SLC66A1: variants seen among roughly 807,000 people sequenced by gnomAD.
SLC66A1 encodes the protein lysosomal amino acid transporter 1 homolog.
A neutral mutation model predicts 33.0 loss-of-function variants in SLC66A1; 23 were observed. The observed-to-expected ratio is 0.70, with a 90% CI of 0.50 to 0.99. SLC66A1 has a LOEUF of 0.99. SLC66A1 is among the 50% of genes least tolerant of loss of function. The probability of loss-of-function intolerance (pLI) is 0.00; values close to 1 mark genes in which losing one functional copy is unlikely to be tolerated. For synonymous variants in SLC66A1, 164 were observed against 175.5 expected (o/e 0.93, Z 0.52); for missense variants, 335 against 383.6 (o/e 0.87, Z 1.06).
At chr1:19,323,350 T>C (rs888204444) in intron 2 of SLC66A1, among the ~76,000 whole-genome samples, 1 of 152,156 alleles carries the variant, frequency 6.6e-6, no homozygotes, top group African/African-American at 2.4e-5. Flanking sequence ...TTTCTTAGTT[T>C]CTGGCTTGGA....
At chr1:19,330,197 G>A (rs961840396), downstream of SLC66A1, among the ~76,000 whole-genome samples, 5 of 152,096 alleles carry the variant, frequency 3.3e-5, no homozygotes, top group African/African-American at 7.2e-5. Flanking sequence ...GCACAGAGAC[G>A]CCAGCTCCCC....
intron 2 of SLC66A1, among the ~76,000 whole-genome samples, chr1:19,319,060 G>A (rs1490327495): frequency 6.6e-6 from 1 of 152,220 alleles, no homozygotes; most frequent in East Asian, 1.9e-4. Context: ...CTGCTCTTAA[G>A]AAATGTGCTC....
intron 3 of SLC66A1, 87 bp downstream of exon 3, chr1:19,324,849 C>A: frequency 6.6e-7 from 1 of 1,513,376 alleles, no homozygotes; most frequent in Non-Finnish European, 8.9e-7. Context: ...GCTCTTTGGC[C>A]CGCCTGGTCT....
rs2093868600 is a variant in SLC66A1, at chr1:19,326,574, T to C, written c.569T>C (p.Ile190Thr). The change falls in exon 6 of 8, where the codon ATC becomes ACC. Residue 190 changes from isoleucine to threonine, a missense_variant. Ile to Thr is a moderately conservative substitution (Grantham distance 89). Coordinates refer to ENST00000375153, the MANE Select transcript of SLC66A1 (RefSeq NM_001040125.2). ...GTCATTGGCTTCGTCATCGGCTCCA[T>C]CTCCAGCGTGTTGTACCTGCTTTCC... is the stretch of plus-strand genomic sequence containing the variant. The part of the protein sequence containing the change: ...QEVIGFVIGS[I>T]SSVLYLLSRL... 2.5e-6 allele frequency: 4 copies of C among 1,614,152 alleles called. No homozygotes were observed. The highest frequency in any genetic ancestry group is 3.4e-6 in the Non-Finnish European group (4 of 1,180,022).
chr1:19,332,195 C>A (rs2093894447), downstream of SLC66A1, among the ~76,000 whole-genome samples: 1 of 152,170 alleles, frequency 6.6e-6, no homozygotes, highest in Non-Finnish European at 1.5e-5. Context: ...ATGCTGGAGG[C>A]AGGTGACGGG....
chr1:19,319,147 G>T (rs148656270), intron 2 of SLC66A1, among the ~76,000 whole-genome samples: 1 of 152,346 alleles, frequency 6.6e-6, no homozygotes, highest in Non-Finnish European at 1.5e-5. Context: ...GAGAGAATTC[G>T]CATTTCATGC....
chr1:19,325,646 G>GA (rs1553263063), intron 4 of SLC66A1, 64 bp downstream of exon 4: 1 of 1,272,026 alleles, frequency 7.9e-7, no homozygotes, highest in African/African-American at 1.6e-5. Context: ...TGTGGGGGGG[G>GA]GCGCCTGGAG....
rs779358032 is a variant in SLC66A1, at chr1:19,325,478, C to T, written c.295-17C>T. ...CTGGGACTGCGCCAACCCCTGGGCC[C>T]CCTGCATCTCTTACAGACCTACACG... On this transcript the variant is annotated splice_polypyrimidine_tract_variant and intron_variant, in intron 3 of 7. Transcript: ENST00000375153. 3 of 1,570,404 alleles carry T rather than the reference C, an allele frequency of 1.9e-6. No individual in the cohort carries two copies. In the Admixed American group the frequency reaches 5.0e-5, roughly 26 times the overall value.
chr1:19,318,370 G>A lies in SLC66A1; in HGVS notation c.164+529G>A, dbSNP rs575030869. On this transcript the variant is annotated intron_variant, in intron 2 of 7. Transcript: ENST00000375153. Reference sequence around the variant, plus strand: ...GCCGCTGCCATGATCAGGGAGTGAGGACATGCTGCACAGGGGTCAAGAGCA... The same window carrying A: ...GCCGCTGCCATGATCAGGGAGTGAGAACATGCTGCACAGGGGTCAAGAGCA... Among the ~76,000 whole-genome samples the A allele has an allele frequency of 3.3e-5, 5 of 152,290 alleles. No individual in the cohort carries two copies. The South Asian group carries it at 6.2e-4, about 19-fold the overall frequency.
intron 2 of SLC66A1, among the ~76,000 whole-genome samples, chr1:19,318,325 A>G (rs960863956): frequency 6.6e-6 from 1 of 152,234 alleles, no homozygotes; most frequent in African/African-American, 2.4e-5. Context: ...AGACAGCAGC[A>G]GTGAACACAA....
downstream of SLC66A1, among the ~76,000 whole-genome samples, chr1:19,330,748 ACCCAGCAGCAG>A (rs890878512): frequency 2.6e-5 from 4 of 152,152 alleles, no homozygotes; most frequent in East Asian, 1.9e-4. Context: ...CCTGGGGCAC[ACCCAGCAGCAG>A]CCCAGCAGCA....
At chr1:19,322,544 CT>C (rs1471024722) in intron 2 of SLC66A1, among the ~76,000 whole-genome samples, 1 of 152,066 alleles carries the variant, frequency 6.6e-6, no homozygotes, top group Non-Finnish European at 1.5e-5. Flanking sequence ...GTCACTCCCC[CT>C]GTCCTCAGGA....
At chr1:19,317,871 G>A (rs1475890567) in intron 2 of SLC66A1, 30 bp downstream of exon 2, 1 of 1,602,554 alleles carries the variant, frequency 6.2e-7, no homozygotes, top group Non-Finnish European at 8.5e-7. Context: ...CAGGACCAGG[G>A]CAGGGCTGTG....
intron 1 of SLC66A1, among the ~76,000 whole-genome samples, chr1:19,315,862 G>GT (rs2093802374): frequency 6.6e-6 from 1 of 151,976 alleles, no homozygotes; most frequent in South Asian, 2.1e-4. Flanking sequence ...TGACTCTGTA[G>GT]TTTCCTGGCT....
chr1:19,328,544 A>T lies in SLC66A1; in HGVS notation c.805-28A>T, dbSNP rs1386161349. 6.2e-7 allele frequency: 1 copy of T among 1,606,280 alleles called. No homozygotes were observed. Among genetic ancestry groups the T allele is most frequent in the Non-Finnish European group, 8.5e-7 (1 of 1,176,098 alleles). ...GGCAGGTCCAACCCAGTCTCTGCTCAGCTTGGCCTTAACGGCGGCACCCCC... is the reference window on the plus strand; with the variant it reads ...GGCAGGTCCAACCCAGTCTCTGCTCTGCTTGGCCTTAACGGCGGCACCCCC... On this transcript the variant is annotated intron_variant, in intron 7 of 7. Coordinates refer to ENST00000375153, the MANE Select transcript of SLC66A1 (RefSeq NM_001040125.2). The surrounding 1 kb of genome is among the most constrained non-coding windows in gnomAD (Gnocchi z 4.7).
chr1:19,314,891 A>G (rs1225467499), intron 1 of SLC66A1, among the ~76,000 whole-genome samples: 1 of 131,878 alleles, frequency 7.6e-6, no homozygotes, highest in Admixed American at 7.5e-5. Context: ...CCTGGACTAT[A>G]TGGTTTTTTT....
rs770343457 is a variant in SLC66A1, at chr1:19,317,769, AGGACGGCT to A, written c.95_102del (p.Asp32GlyfsTer59). ...TGGGATGTGTTGGGTGAATGTGCCC[AGGACGGCT>A]GGGACGAGGCCAGCGTGGGCCTGGG... On this transcript the variant is annotated frameshift_variant, in exon 2 of 8. Coordinates refer to ENST00000375153, the MANE Select transcript of SLC66A1 (RefSeq NM_001040125.2). LOFTEE classifies it high-confidence loss of function. 6.2e-7 allele frequency: 1 copy of A among 1,614,198 alleles called. No homozygotes were observed. The highest frequency in any genetic ancestry group is 8.5e-7 in the Non-Finnish European group (1 of 1,180,034).
intron 1 of SLC66A1, among the ~76,000 whole-genome samples, chr1:19,314,791 G>T (rs968590185): frequency 3.8e-4 from 58 of 152,354 alleles, no homozygotes; most frequent in Non-Finnish European, 6.2e-4. Flanking sequence ...CTGCAAGGGG[G>T]TGTGGGGGTG....
chr1:19,323,330 A>G (rs1338649054), intron 2 of SLC66A1, among the ~76,000 whole-genome samples: 1 of 152,196 alleles, frequency 6.6e-6, no homozygotes, highest in Non-Finnish European at 1.5e-5. Flanking sequence ...CGCTGTGGGA[A>G]GAATGCCGGT....
Sources: gnomAD v4.1 joint callset for allele counts (sites outside exome capture counted in the v4.1 genomes callset) on GRCh38, gnomAD v4.1.1 for gene constraint, Gnocchi (gnomAD v3.1) non-coding constraint, MANE v1.5 for transcripts, NCBI Gene and HGNC (gene_info 2026-07-23, HGNC 2026-07-21) for gene names.